TENM3: variants seen among roughly 807,000 people sequenced by gnomAD.
The protein encoded by TENM3 is teneurin transmembrane protein 3.
TENM3 carries 63 observed loss-of-function variants against 255.1 expected under a neutral mutation model. That is an observed-to-expected ratio of 0.25 (90% confidence interval 0.20 to 0.30). The LOEUF is 0.30. TENM3 is among the 10% of genes least tolerant of loss of function. The probability of loss-of-function intolerance (pLI) is 1.00; values close to 1 mark genes in which losing one functional copy is unlikely to be tolerated. For synonymous variants in TENM3, 1,306 were observed against 1,322.3 expected (o/e 0.99, Z 0.27); for missense variants, 2,929 against 3,461.1 (o/e 0.85, Z 3.86).
chr4:182,598,016 CA>C (rs1319317954), intron 3 of TENM3, among the ~76,000 whole-genome samples: 1 of 151,952 alleles, frequency 6.6e-6, no homozygotes, highest in Non-Finnish European at 1.5e-5. Flanking sequence ...CTTGTCTCTA[CA>C]AAAAATTTAA....
At position 182,728,870 on chromosome 4, in the gene TENM3, T is replaced by C. The variant is rs1433423090; in HGVS notation, c.2369-95T>C. On this transcript the variant is annotated intron_variant, in intron 13 of 27. Coordinates refer to ENST00000511685, the MANE Select transcript of TENM3 (RefSeq NM_001080477.4). ...CAGATAGTCGGGAGAAATCACTTGA[T>C]GTGAAAAAAAAAAAAACAGTCAAGA... The C allele has an allele frequency of 5.0e-6, 4 of 805,452 alleles. No individual in the cohort carries two copies. The East Asian group carries it at 8.8e-5, about 18-fold the overall frequency. The allele number at this position is 805,452 out of a possible 1,614,324, so 49.9% of individuals were successfully genotyped here.
intron 6 of TENM3, among the ~76,000 whole-genome samples, chr4:182,658,436 A>G (rs1262670572): frequency 6.6e-6 from 1 of 152,110 alleles, no homozygotes; most frequent in Non-Finnish European, 1.5e-5. Flanking sequence ...TAACTCTCAA[A>G]TCAGTAAGTC....
upstream of TENM3, chr4:182,142,778 G>C (rs1749555252): frequency 6.1e-6 from 1 of 164,450 alleles, no homozygotes; most frequent in Non-Finnish European, 1.5e-5. Context: ...GGAGATGCTC[G>C]GGCGCGCACC....
At chr4:182,710,519 G>A (rs1032967447) in intron 12 of TENM3, among the ~76,000 whole-genome samples, 1 of 151,940 alleles carries the variant, frequency 6.6e-6, no homozygotes, top group Non-Finnish European at 1.5e-5. Context: ...CCATTCAAAC[G>A]CCTCTAATAG....
intron 1 of TENM3, among the ~76,000 whole-genome samples, chr4:182,270,362 A>G (rs1339897602): frequency 2.0e-5 from 3 of 152,200 alleles, no homozygotes; most frequent in Non-Finnish European, 4.4e-5. Flanking sequence ...ATTTCCTTCA[A>G]GGTCTGCTAT....
chr4:182,109,663 C>A, the TENM3 span, among the ~76,000 whole-genome samples: 5 of 152,128 alleles, frequency 3.3e-5, no homozygotes, highest in Non-Finnish European at 7.4e-5. Context: ...GTTACATGAC[C>A]GAGTTAAGGA....
chr4:181,660,384 T>A, the TENM3 span, among the ~76,000 whole-genome samples: 1 of 152,142 alleles, frequency 6.6e-6, no homozygotes, highest in Non-Finnish European at 1.5e-5. Context: ...TTTTGACAGA[T>A]CATTATTCAT....
At chr4:181,927,511 C>G in the TENM3 span, among the ~76,000 whole-genome samples, 4 of 152,254 alleles carry the variant, frequency 2.6e-5, no homozygotes, top group African/African-American at 7.2e-5. Flanking sequence ...GAAAGAAAGG[C>G]AGCAGCCCCA....
At chr4:182,078,477 ATGCCAC>A in the TENM3 span, among the ~76,000 whole-genome samples, 1 of 152,152 alleles carries the variant, frequency 6.6e-6, no homozygotes, top group Non-Finnish European at 1.5e-5. Flanking sequence ...AGCTGAGATC[ATGCCAC>A]TGCACTCCAT....
intron 3 of TENM3, among the ~76,000 whole-genome samples, chr4:182,470,214 C>G (rs775960729): frequency 7.2e-5 from 11 of 152,256 alleles, no homozygotes; most frequent in Non-Finnish European, 1.3e-4. Context: ...TGTAAGTGTT[C>G]TGTTGTAAAT....
chr4:182,264,578 A>G (rs971490831), intron 1 of TENM3, among the ~76,000 whole-genome samples: 8 of 152,220 alleles, frequency 5.3e-5, no homozygotes, highest in African/African-American at 1.7e-4. Context: ...CTCAGTAGCT[A>G]AGGTTTTTGC....
the TENM3 span, among the ~76,000 whole-genome samples, chr4:181,670,106 T>C: frequency 1.3e-5 from 2 of 152,332 alleles, no homozygotes; most frequent in African/African-American, 4.8e-5. Context: ...GCTTATAATT[T>C]GACTTCTAGA....
At chr4:182,707,521 C>CA (rs1019055419) in intron 12 of TENM3, among the ~76,000 whole-genome samples, 2 of 150,220 alleles carry the variant, frequency 1.3e-5, no homozygotes, top group South Asian at 2.1e-4. Context: ...AGGGGCTTTA[C>CA]AAAAAAAAGG....
intron 1 of TENM3, among the ~76,000 whole-genome samples, chr4:182,252,823 A>G (rs1430664895): frequency 6.6e-6 from 1 of 152,178 alleles, no homozygotes; most frequent in Non-Finnish European, 1.5e-5. Context: ...ATTTAATCAC[A>G]TTGCAACAGT....
chr4:182,058,487 T>C, the TENM3 span, among the ~76,000 whole-genome samples: 1 of 152,206 alleles, frequency 6.6e-6, no homozygotes, highest in South Asian at 2.1e-4. Context: ...TTTAGATTCT[T>C]GACAGTGTTA....
the TENM3 span, among the ~76,000 whole-genome samples, chr4:182,013,291 C>T: frequency 4.6e-5 from 7 of 152,112 alleles, no homozygotes; most frequent in Non-Finnish European, 7.4e-5. Context: ...CTAACACTGG[C>T]GTGTTTTTCC....
chr4:182,196,660 T>TG (rs1263304552), intron 1 of TENM3, among the ~76,000 whole-genome samples: 1 of 152,234 alleles, frequency 6.6e-6, no homozygotes, highest in African/African-American at 2.4e-5. Context: ...ACCTGTGCCC[T>TG]GGTTCTGCTG....
chr4:182,285,970 G>A (rs983263908), intron 1 of TENM3, among the ~76,000 whole-genome samples: 2 of 152,108 alleles, frequency 1.3e-5, no homozygotes, highest in African/African-American at 4.8e-5. Flanking sequence ...GATGTCTTTT[G>A]GGGGAGCTAC....
At chr4:181,828,805 G>A in the TENM3 span, among the ~76,000 whole-genome samples, 1 of 152,120 alleles carries the variant, frequency 6.6e-6, no homozygotes, top group South Asian at 2.1e-4. Flanking sequence ...GGCCAGGCTG[G>A]TCTTGAACTC....
Sources: allele counts gnomAD v4.1 joint callset (sites outside exome capture counted in the v4.1 genomes callset), GRCh38; gene constraint gnomAD v4.1.1; transcripts MANE v1.5; gene names NCBI Gene and HGNC (gene_info 2026-07-23, HGNC 2026-07-21).